The following AAMDC variants were observed in gnomAD, a reference collection of about 807,000 sequenced individuals.
The protein encoded by AAMDC is adipogenesis associated Mth938 domain containing, also known as mth938 domain-containing protein.
Under a neutral mutation model 15.5 loss-of-function variants are expected in AAMDC, and 16 were observed. The ratio of observed to expected loss-of-function variants is 1.03; its 90% CI spans 0.70 to 1.57. The LOEUF is 1.57. Among genes scored for constraint, AAMDC ranks in the 40% most tolerant of loss-of-function variants. AAMDC has a pLI of 0.00. For synonymous variants in AAMDC, 51 were observed against 51.6 expected (o/e 0.99, Z 0.05); for missense variants, 141 against 144.9 (o/e 0.97, Z 0.14).
In AAMDC at chr11:77,872,231, C is replaced by T. The variant is rs748341123; in HGVS notation, c.285C>T (p.Leu95=). The part of the protein sequence containing the change: ...LKKHGIDVRV[L]QTEQAVKEYN... ...AACATGGCATTGATGTGCGGGTCCT[C>T]CAGACAGAGCAGGCAGTGAAGGAGT... is the stretch of plus-strand genomic sequence containing the variant. Residue 95 remains leucine, a synonymous_variant, in exon 4 of 4, where the codon CTC becomes CTT. Transcript: ENST00000393427. 5.0e-6 allele frequency: 8 copies of T among 1,613,922 alleles called. No homozygotes were observed. The highest frequency in any genetic ancestry group is 1.1e-5 in the South Asian group (1 of 91,036).
chr11:77,893,632 C>T (rs1952373368), intron 5 of AAMDC, among the ~76,000 whole-genome samples: 1 of 152,014 alleles, frequency 6.6e-6, no homozygotes, highest in Admixed American at 6.6e-5. Context: ...GTGGCTCACG[C>T]CTGTAATCCC....
At chr11:77,905,264 C>T (rs1358975628), downstream of AAMDC, among the ~76,000 whole-genome samples, 2 of 152,064 alleles carry the variant, frequency 1.3e-5, no homozygotes, top group African/African-American at 2.4e-5. Context: ...GGAGACCAGC[C>T]TGACCAACAT....
intron 1 of AAMDC, among the ~76,000 whole-genome samples, chr11:77,822,129 A>G (rs1009027560): frequency 6.6e-6 from 1 of 152,186 alleles, no homozygotes; most frequent in African/African-American, 2.4e-5. Context: ...TTAAAACTCA[A>G]TGTAGTACCT....
At chr11:77,839,620 C>T (rs889699031) in intron 1 of AAMDC, among the ~76,000 whole-genome samples, 1 of 152,160 alleles carries the variant, frequency 6.6e-6, no homozygotes, top group Non-Finnish European at 1.5e-5. Flanking sequence ...ACCTCTACAC[C>T]ATGGTATACT....
chr11:77,836,268 C>T (rs953130140), intron 1 of AAMDC, among the ~76,000 whole-genome samples: 3 of 152,014 alleles, frequency 2.0e-5, no homozygotes, highest in Non-Finnish European at 4.4e-5. Flanking sequence ...AGCCCTAACC[C>T]CAAAAACGAC....
intron 2 of AAMDC, among the ~76,000 whole-genome samples, chr11:77,852,784 A>G (rs1950453206): frequency 6.6e-6 from 1 of 152,090 alleles, no homozygotes. Context: ...CCCATTTTCC[A>G]TACGCAAAAG....
chr11:77,885,537 G>A (rs1951968007), intron 5 of AAMDC, among the ~76,000 whole-genome samples: 1 of 151,954 alleles, frequency 6.6e-6, no homozygotes, highest in Non-Finnish European at 1.5e-5. Context: ...TGAAGGGGAG[G>A]GCCGGGCACA....
At chr11:77,870,377 G>A (rs1376459839) in intron 3 of AAMDC, among the ~76,000 whole-genome samples, 3 of 120,924 alleles carry the variant, frequency 2.5e-5, no homozygotes, top group African/African-American at 3.3e-5. Flanking sequence ...TTGTTCTGTC[G>A]CCCAGGCTGA....
At chr11:77,851,773 C>A (rs981204853) in intron 2 of AAMDC, among the ~76,000 whole-genome samples, 3 of 152,094 alleles carry the variant, frequency 2.0e-5, no homozygotes, top group Non-Finnish European at 4.4e-5. Context: ...CCTCAGAAGT[C>A]AAGCAGATGC....
intron 2 of AAMDC, among the ~76,000 whole-genome samples, chr11:77,858,194 ATTTTTT>A (rs71046920): frequency 7.6e-6 from 1 of 130,816 alleles, no homozygotes; most frequent in Non-Finnish European, 1.6e-5. Context: ...AATATATATA[ATTTTTT>A]TTTTTTTTTT....
At chr11:77,848,434 T>G (rs1035813135) in intron 2 of AAMDC, among the ~76,000 whole-genome samples, 2 of 151,604 alleles carry the variant, frequency 1.3e-5, no homozygotes, top group Non-Finnish European at 2.9e-5. Flanking sequence ...CTCGGCACAC[T>G]GCCACCTCTG....
chr11:77,905,648 G>C (rs924543491), downstream of AAMDC, among the ~76,000 whole-genome samples: 12 of 152,184 alleles, frequency 7.9e-5, no homozygotes, highest in Non-Finnish European at 1.8e-4. Flanking sequence ...ATTTGTGAAA[G>C]ATAAAATTTC....
At chr11:77,861,172 C>T (rs1950860939) in intron 2 of AAMDC, among the ~76,000 whole-genome samples, 1 of 152,100 alleles carries the variant, frequency 6.6e-6, no homozygotes, top group African/African-American at 2.4e-5. Context: ...AAGCAGGGGA[C>T]AACAAATGGG....
rs1951461476 is a variant in AAMDC at position 77,872,167 on chromosome 11, C to T, written c.229-8C>T. ...CCCTACTTACTCATCTCTTTTCCAC[C>T]TTCCCAGGTGCCTTCATCAACTGTG... On this transcript the variant is annotated splice_polypyrimidine_tract_variant and splice_region_variant and intron_variant, in intron 3 of 3. Coordinates refer to ENST00000393427, the MANE Select transcript of AAMDC (RefSeq NM_024684.4). 6.2e-7 allele frequency: 1 copy of T among 1,609,834 alleles called. No homozygotes were observed.
At chr11:77,830,192 A>G (rs1949357357) in intron 1 of AAMDC, 1 of 152,268 alleles carries the variant, frequency 6.6e-6, no homozygotes, top group African/African-American at 2.4e-5. Flanking sequence ...TACATCCAGT[A>G]AGAGATTCAT....
chr11:77,859,831 GCA>G (rs1352176762), intron 2 of AAMDC, among the ~76,000 whole-genome samples: 1 of 152,174 alleles, frequency 6.6e-6, no homozygotes, highest in Non-Finnish European at 1.5e-5. Context: ...TTGCACAAGT[GCA>G]CAGTCGCAGC....
intron 2 of AAMDC, among the ~76,000 whole-genome samples, chr11:77,852,348 G>C (rs1216464836): frequency 6.6e-6 from 1 of 151,222 alleles, no homozygotes; most frequent in African/African-American, 2.4e-5. Flanking sequence ...ATTTGTTTCT[G>C]TTGGCATACA....
rs540030061 is a variant in AAMDC at position 77,852,255 on chromosome 11, A to G, written c.132+9627A>G. Among the ~76,000 whole-genome samples, 62 of 146,068 alleles carry G rather than the reference A, an allele frequency of 4.2e-4. 3 individuals are homozygous for G. The South Asian group carries it at 0.013, about 31-fold the overall frequency. On this transcript the variant is annotated intron_variant, in intron 2 of 3. Coordinates refer to ENST00000393427, the MANE Select transcript of AAMDC (RefSeq NM_024684.4). ...AAAAAAAAAAAAGAAGAAGAAGAAG[A>G]AGTTCAAAGAAAAAGAAAGAAAAAG...
At chr11:77,893,621 G>A (rs536343504) in intron 5 of AAMDC, among the ~76,000 whole-genome samples, 4 of 151,840 alleles carry the variant, frequency 2.6e-5, no homozygotes, top group Admixed American at 6.6e-5. Flanking sequence ...CAGACACGGC[G>A]GTGGCTCACG....
Sources: gnomAD v4.1 joint callset for allele counts (sites outside exome capture counted in the v4.1 genomes callset) on GRCh38, gnomAD v4.1.1 for gene constraint, MANE v1.5 for transcripts, NCBI Gene and HGNC (gene_info 2026-07-23, HGNC 2026-07-21) for gene names.